MYCT1: variants seen among roughly 807,000 people sequenced by gnomAD.
The protein encoded by MYCT1 is MYC target 1.
MYCT1 carries 12 observed loss-of-function variants against 15.0 expected under a neutral mutation model. The ratio of observed to expected loss-of-function variants is 0.80; its 90% CI spans 0.51 to 1.29. The LOEUF (loss-of-function observed/expected upper bound fraction) is 1.29. Among genes scored for constraint, MYCT1 ranks in the 50% most tolerant of loss-of-function variants. The probability of loss-of-function intolerance (pLI) is 0.00; values close to 1 mark genes in which losing one functional copy is unlikely to be tolerated. For synonymous variants in MYCT1, 104 were observed against 102.7 expected (o/e 1.01, Z -0.07); for missense variants, 287 against 279.1 (o/e 1.03, Z -0.20).
chr6:152,714,714 C>G (rs979282574), intron 1 of MYCT1, among the ~76,000 whole-genome samples: 1 of 151,146 alleles, frequency 6.6e-6, no homozygotes, highest in African/African-American at 2.4e-5. Context: ...AGATATTTTT[C>G]CATTTTCTAT....
chr6:152,731,504 A>G, the MYCT1 span, among the ~76,000 whole-genome samples: 4 of 152,012 alleles, frequency 2.6e-5, no homozygotes, highest in Non-Finnish European at 5.9e-5. Flanking sequence ...ATATCTCCTA[A>G]TGCTATCCCT....
the MYCT1 span, among the ~76,000 whole-genome samples, chr6:152,743,248 T>C: frequency 2.6e-5 from 4 of 152,210 alleles, no homozygotes; most frequent in African/African-American, 9.6e-5. Flanking sequence ...GTATTTATAG[T>C]AGAGATAGGG....
intron 1 of MYCT1, among the ~76,000 whole-genome samples, chr6:152,705,103 C>T (rs1478760936): frequency 1.3e-5 from 2 of 152,076 alleles, no homozygotes; most frequent in Non-Finnish European, 2.9e-5. Context: ...TACAGATGCT[C>T]GTCCATTTAC....
chr6:152,706,305 T>C (rs2099722237), intron 1 of MYCT1, among the ~76,000 whole-genome samples: 1 of 152,188 alleles, frequency 6.6e-6, no homozygotes, highest in Non-Finnish European at 1.5e-5. Flanking sequence ...GTATAATGGT[T>C]TACTGCTGTC....
At chr6:152,707,503 GT>G (rs1464356014) in intron 1 of MYCT1, among the ~76,000 whole-genome samples, 2 of 151,974 alleles carry the variant, frequency 1.3e-5, no homozygotes, top group African/African-American at 4.8e-5. Context: ...AAGCTTTGTA[GT>G]TTGACACAAT....
the MYCT1 span, among the ~76,000 whole-genome samples, chr6:152,740,066 G>T: frequency 6.6e-6 from 1 of 151,986 alleles, no homozygotes; most frequent in East Asian, 1.9e-4. Flanking sequence ...TATTATTTGC[G>T]ATGGAGTTTC....
At chr6:152,724,978 G>A (rs558618463), downstream of MYCT1, among the ~76,000 whole-genome samples, 6 of 151,868 alleles carry the variant, frequency 4.0e-5, no homozygotes, top group South Asian at 1.3e-3. Flanking sequence ...TAGGGAATAA[G>A]CATTTTAAAT....
At chr6:152,715,255 G>T (rs1409961517) in intron 1 of MYCT1, among the ~76,000 whole-genome samples, 1 of 152,074 alleles carries the variant, frequency 6.6e-6, no homozygotes, top group Non-Finnish European at 1.5e-5. Flanking sequence ...TGCTCTCATT[G>T]GTTTGATACA....
In MYCT1 at chr6:152,712,398, G is replaced by A. The variant is rs1161660294; in HGVS notation, c.197-9344G>A. On this transcript the variant is annotated intron_variant, in intron 1 of 1. Coordinates refer to ENST00000367245, the MANE Select transcript of MYCT1 (RefSeq NM_025107.3). ...TTAGGTCTGCTTGGTGCAGAGCTGA[G>A]TTCAATTCCTGGGTATCCTTGTTCA... is the stretch of plus-strand genomic sequence containing the variant. Among the ~76,000 whole-genome samples the A allele has an allele frequency of 1.3e-4, 9 of 70,004 alleles. 4 individuals carry two copies. The highest frequency in any genetic ancestry group is 3.4e-4 in the African/African-American group (9 of 26,390). 45.9% of individuals were successfully genotyped at this position (70,004 alleles called of 152,430 possible).
the MYCT1 span, among the ~76,000 whole-genome samples, chr6:152,741,673 T>C: frequency 3.6e-4 from 55 of 152,306 alleles, no homozygotes; most frequent in African/African-American, 1.3e-3. Context: ...ATAGAAAATA[T>C]TCCCTTTTCT....
At chr6:152,743,372 T>C in the MYCT1 span, among the ~76,000 whole-genome samples, 1 of 152,152 alleles carries the variant, frequency 6.6e-6, no homozygotes, top group Non-Finnish European at 1.5e-5. Context: ...GGCCCTTGCG[T>C]GGTATTTCTT....
At chr6:152,707,344 A>G (rs1259524514) in intron 1 of MYCT1, among the ~76,000 whole-genome samples, 1 of 151,812 alleles carries the variant, frequency 6.6e-6, no homozygotes, top group East Asian at 1.9e-4. Context: ...TCATTTTGTA[A>G]ACAGATTATT....
At chr6:152,742,296 G>A in the MYCT1 span, among the ~76,000 whole-genome samples, 30,701 of 152,024 alleles carry the variant, frequency 0.2, 3,589 homozygotes, top group African/African-American at 0.32. Context: ...GCTGAGACCC[G>A]AAGGATAAAA....
intron 1 of MYCT1, among the ~76,000 whole-genome samples, chr6:152,718,728 C>T (rs2099724176): frequency 6.6e-6 from 1 of 152,088 alleles, no homozygotes; most frequent in Non-Finnish European, 1.5e-5. Flanking sequence ...TACAAGGACT[C>T]TTGTAATCTT....
At chr6:152,733,058 T>C in the MYCT1 span, among the ~76,000 whole-genome samples, 1 of 151,202 alleles carries the variant, frequency 6.6e-6, no homozygotes, top group South Asian at 2.1e-4. Context: ...GTTTTGTTTT[T>C]ATTTGTTTTT....
chr6:152,741,961 C>G, the MYCT1 span, among the ~76,000 whole-genome samples: 1 of 152,106 alleles, frequency 6.6e-6, no homozygotes, highest in Non-Finnish European at 1.5e-5. Context: ...ACCCAAAGAA[C>G]TGAAAACTAA....
chr6:152,716,613 G>A (rs1216039982), intron 1 of MYCT1, among the ~76,000 whole-genome samples: 10 of 152,034 alleles, frequency 6.6e-5, no homozygotes, highest in South Asian at 2.1e-4. Context: ...TGGAAGACAC[G>A]AACGTGGCTG....
At chr6:152,702,058 T>A (rs2099721412) in intron 1 of MYCT1, among the ~76,000 whole-genome samples, 1 of 152,106 alleles carries the variant, frequency 6.6e-6, no homozygotes, top group Non-Finnish European at 1.5e-5. Context: ...TAAGTACCAG[T>A]TCCTCTGGGA....
downstream of MYCT1, among the ~76,000 whole-genome samples, chr6:152,727,519 T>C (rs76758170): frequency 3.0e-3 from 451 of 152,330 alleles, 5 homozygotes; most frequent in African/African-American, 0.01. Flanking sequence ...TAGCTATAGC[T>C]TGAGAGTGGT....
Sources: allele counts gnomAD v4.1 joint callset (sites outside exome capture counted in the v4.1 genomes callset), GRCh38; gene constraint gnomAD v4.1.1; transcripts MANE v1.5; gene names NCBI Gene and HGNC (gene_info 2026-07-23, HGNC 2026-07-21).